AP1S3: variants seen among roughly 807,000 people sequenced by gnomAD.
The protein encoded by AP1S3 is adaptor related protein complex 1 subunit sigma 3, also known as AP-1 complex subunit sigma-3.
Under a neutral mutation model 20.9 loss-of-function variants are expected in AP1S3, and 10 were observed. That is an observed-to-expected ratio of 0.48 (90% CI 0.29 to 0.81). AP1S3 has a LOEUF of 0.81. Ranked by LOEUF, AP1S3 falls within the 30% of genes least tolerant of loss-of-function variation. AP1S3 has a pLI of 0.08. For synonymous variants in AP1S3, 41 were observed against 61.5 expected, an observed-to-expected ratio of 0.67 and a Z score of 1.56; for missense variants, 154 against 183.8, an observed-to-expected ratio of 0.84 and a Z score of 0.94.
intron 2 of AP1S3, among the ~76,000 whole-genome samples, chr2:223,776,366 G>A (rs192721918): frequency 1.9e-4 from 29 of 152,280 alleles, no homozygotes; most frequent in Non-Finnish European, 3.5e-4. Flanking sequence ...GACCAGTGCT[G>A]TCAGGAGCCC....
intron 1 of AP1S3, among the ~76,000 whole-genome samples, chr2:223,831,989 A>G (rs1032314835): frequency 2.0e-5 from 3 of 151,864 alleles, no homozygotes; most frequent in African/African-American, 7.3e-5. Context: ...AGGCAGGAGA[A>G]TGGCGTGAAC....
chr2:223,772,065 C>G (rs1211712488), intron 3 of AP1S3, among the ~76,000 whole-genome samples: 2 of 152,194 alleles, frequency 1.3e-5, no homozygotes, highest in Non-Finnish European at 2.9e-5. Context: ...CGAGACCGCG[C>G]CACTGCATTC....
At chr2:223,782,109 T>G (rs1243647488) in intron 1 of AP1S3, among the ~76,000 whole-genome samples, 1 of 150,636 alleles carries the variant, frequency 6.6e-6, no homozygotes, top group Non-Finnish European at 1.5e-5. Context: ...CTTCCTAGGC[T>G]CAAGTGATTC....
At chr2:223,833,511 T>C (rs201153202) in intron 1 of AP1S3, among the ~76,000 whole-genome samples, 1 of 152,218 alleles carries the variant, frequency 6.6e-6, no homozygotes, top group East Asian at 1.9e-4. Context: ...GAAATCTCTG[T>C]GCCAGAAACC....
chr2:223,807,867 C>CTTTTGTTTTTTTTT (rs1691622658), intron 1 of AP1S3, among the ~76,000 whole-genome samples: 1 of 43,220 alleles, frequency 2.3e-5, no homozygotes, highest in Non-Finnish European at 3.8e-5. Flanking sequence ...CATTTCTTTT[C>CTTTTGTTTTTTTTT]TTTTTTTTTT....
intron 1 of AP1S3, among the ~76,000 whole-genome samples, chr2:223,785,314 C>T (rs1003990313): frequency 2.0e-5 from 3 of 151,992 alleles, no homozygotes. Flanking sequence ...TGCACTCCAG[C>T]CTGGGCAATA....
At position 223,762,268 on chromosome 2, in the gene AP1S3, A is replaced by ATTTTTTTTTTTTTTTTTTTT. The variant is rs57119521; in HGVS notation, c.429+2925_429+2944dup. Among the ~76,000 whole-genome samples, 5 of 105,198 alleles carry ATTTTTTTTTTTTTTTTTTTT rather than the reference A, an allele frequency of 4.8e-5. 2 individuals carry two copies. The highest frequency in any genetic ancestry group is 6.6e-4 in the South Asian group (2 of 3,008). 69.0% of individuals were successfully genotyped at this position (105,198 alleles called of 152,430 possible). On this transcript the variant is annotated intron_variant, in intron 4 of 4. Transcript: ENST00000396654. ...TAGGCATGAGCCATTGTGCCCAGCA[A>ATTTTTTTTTTTTTTTTTTTT]TTTTTTTTTTTTTTTTTTTTTTGAG...
intron 1 of AP1S3, among the ~76,000 whole-genome samples, chr2:223,807,862 C>CTTTTT (rs1691621977): frequency 1.5e-5 from 1 of 68,164 alleles, no homozygotes; most frequent in Non-Finnish European, 3.0e-5. Flanking sequence ...TCAGGCATTT[C>CTTTTT]TTTTCTTTTT....
intron 1 of AP1S3, among the ~76,000 whole-genome samples, chr2:223,828,036 G>A (rs1438036891): frequency 1.5e-5 from 2 of 133,064 alleles, no homozygotes; most frequent in African/African-American, 6.0e-5. Flanking sequence ...TCCAGCCTGG[G>A]GTACAAGAGC....
At chr2:223,792,675 G>A (rs1691239114) in intron 1 of AP1S3, among the ~76,000 whole-genome samples, 1 of 152,058 alleles carries the variant, frequency 6.6e-6, no homozygotes, top group African/African-American at 2.4e-5. Flanking sequence ...CAGATTTCAT[G>A]ACAAAAATGC....
chr2:223,831,847 C>A (rs554094977), intron 1 of AP1S3, among the ~76,000 whole-genome samples: 4 of 152,062 alleles, frequency 2.6e-5, no homozygotes, highest in African/African-American at 9.7e-5. Flanking sequence ...GAGGCTGAGG[C>A]GGGCAGATCA....
At position 223,758,670 on chromosome 2, in the gene AP1S3, C is replaced by A. The variant is rs747611108; in HGVS notation, c.*45G>T. 1 of 1,540,314 alleles carries A rather than the reference C, an allele frequency of 6.5e-7. No individual in the cohort carries two copies. The highest frequency in any genetic ancestry group is 8.7e-7 in the Non-Finnish European group (1 of 1,146,070). On this transcript the variant is annotated 3_prime_UTR_variant, in exon 5 of 5. Coordinates refer to ENST00000396654, the MANE Select transcript of AP1S3 (RefSeq NM_001039569.2). ...CCGGATGGGAGGCGTTGCTTATTTA[C>A]AGCTTCATAACATGTAGTGCTGGAG...
At chr2:223,786,085 C>T (rs955369200) in intron 1 of AP1S3, among the ~76,000 whole-genome samples, 59 of 152,082 alleles carry the variant, frequency 3.9e-4, no homozygotes, top group African/African-American at 1.4e-3. Context: ...GATCTCATAC[C>T]TTCCACTCAA....
chr2:223,774,584 G>A (rs1422422301), intron 3 of AP1S3, among the ~76,000 whole-genome samples: 1 of 151,844 alleles, frequency 6.6e-6, no homozygotes, highest in African/African-American at 2.4e-5. Context: ...AGGGCAAGAG[G>A]GCGAACAGAG....
At chr2:223,764,798 A>G (rs958318058) in intron 4 of AP1S3, among the ~76,000 whole-genome samples, 1 of 152,226 alleles carries the variant, frequency 6.6e-6, no homozygotes, top group African/African-American at 2.4e-5. Context: ...TCATAAAATT[A>G]TTCTTGAAAA....
intron 1 of AP1S3, among the ~76,000 whole-genome samples, chr2:223,780,604 A>C (rs1361347615): frequency 6.7e-6 from 1 of 149,342 alleles, no homozygotes; most frequent in Admixed American, 6.7e-5. Flanking sequence ...TACTTTTTAA[A>C]TTTTGTTGTA....
chr2:223,759,226 C>G lies in AP1S3; in HGVS notation c.430-476G>C, dbSNP rs79303301. Among the ~76,000 whole-genome samples the G allele has an allele frequency of 2.4e-3, 367 of 151,772 alleles. 1 individual carries two copies. Among genetic ancestry groups the G allele is most frequent in the African/African-American group, 8.5e-3 (351 of 41,360 alleles). ...ACCGGGAGGCGGAGGTTGAAGTGAG[C>G]CAAGATTGCACCACTGCACTCCAGC... is the stretch of plus-strand genomic sequence containing the variant. On this transcript the variant is annotated intron_variant, in intron 4 of 4. Coordinates refer to ENST00000396654, the MANE Select transcript of AP1S3 (RefSeq NM_001039569.2).
intron 3 of AP1S3, among the ~76,000 whole-genome samples, chr2:223,765,861 C>T (rs1305132790): frequency 1.3e-5 from 2 of 152,168 alleles, no homozygotes; most frequent in South Asian, 2.1e-4. Flanking sequence ...ACTGGTGCTA[C>T]AGCCCACCCC....
At chr2:223,775,771 G>T in intron 3 of AP1S3, 130 bp downstream of exon 3, 2 of 692,416 alleles carry the variant, frequency 2.9e-6, no homozygotes, top group Non-Finnish European at 2.5e-6. Flanking sequence ...GGGGACTAAG[G>T]TGATCTTCGG....
Sources: gnomAD v4.1 joint callset for allele counts (sites outside exome capture counted in the v4.1 genomes callset) on GRCh38, gnomAD v4.1.1 for gene constraint, MANE v1.5 for transcripts, NCBI Gene and HGNC (gene_info 2026-07-23, HGNC 2026-07-21) for gene names.